ZRSR2: variants seen among roughly 807,000 people sequenced by gnomAD.
ZRSR2 encodes U2 small nuclear ribonucleoprotein auxiliary factor 35 kDa subunit-related protein 2.
A neutral mutation model predicts 39.4 loss-of-function variants in ZRSR2; 3 were observed. The ratio of observed to expected loss-of-function variants is 0.08; its 90% CI spans 0.03 to 0.20. The LOEUF is 0.20. ZRSR2 is among the 10% of genes least tolerant of loss of function. The probability of loss-of-function intolerance (pLI) is 1.00; values close to 1 mark genes in which losing one functional copy is unlikely to be tolerated. For synonymous variants in ZRSR2, 137 were observed against 136.0 expected (o/e 1.01, Z -0.05); for missense variants, 256 against 391.5 (o/e 0.65, Z 2.92).
Position 15,795,877 on chromosome X carries a change from C to G in ZRSR2, c.122-3995C>G, listed in dbSNP as rs765027066. Among the ~76,000 whole-genome samples the G allele has an allele frequency of 9.8e-3, 1,096 of 111,954 alleles. 16 individuals carry two copies. Among genetic ancestry groups the G allele is most frequent in the African/African-American group, 0.034 (1,056 of 30,818 alleles). ...GTGGCTCACGCCTGGAGTCCTAGCACTTTGGGAGGCCAAGGCGGGTGGATC... is the reference window on the plus strand; with the variant it reads ...GTGGCTCACGCCTGGAGTCCTAGCAGTTTGGGAGGCCAAGGCGGGTGGATC... On this transcript the variant is annotated intron_variant, in intron 2 of 10. Coordinates refer to ENST00000307771, the MANE Select transcript of ZRSR2 (RefSeq NM_005089.4).
At chrX:15,794,711 C>T (rs1033283101) in intron 2 of ZRSR2, among the ~76,000 whole-genome samples, 2 of 111,655 alleles carry the variant, frequency 1.8e-5, no homozygotes, top group Non-Finnish European at 3.8e-5. Flanking sequence ...GGGTAGACGG[C>T]ACTTGGTGTA....
chrX:15,810,642 AC>A (rs1346972904), intron 7 of ZRSR2, among the ~76,000 whole-genome samples: 4 of 109,521 alleles, frequency 3.7e-5, no homozygotes, highest in African/African-American at 1.3e-4. Flanking sequence ...TTTTTTAAGA[AC>A]AGTGGTTCCC....
intron 2 of ZRSR2, among the ~76,000 whole-genome samples, chrX:15,797,457 G>T (rs189111056): frequency 9.1e-6 from 1 of 110,359 alleles, no homozygotes; most frequent in South Asian, 3.8e-4. Flanking sequence ...TGATCCGCCC[G>T]CCTTGGCCTC....
At chrX:15,818,686 T>C (rs1315975739) in intron 9 of ZRSR2, 44 bp downstream of exon 9, 1 of 1,061,561 alleles carries the variant, frequency 9.4e-7, no homozygotes, top group South Asian at 2.0e-5. Context: ...TGTCACAGTT[T>C]GTTGTTCTGT....
chrX:15,822,682 C>A lies in ZRSR2; in HGVS notation c.938-49C>A, dbSNP rs764284046. The A allele has an allele frequency of 8.3e-6, 10 of 1,209,319 alleles. No individual in the cohort carries two copies. In the East Asian group the frequency reaches 3.0e-4, roughly 36 times the overall value. ...CCTTCGGAAAAGGATAAAGTAGCAT[C>A]TTCAGAATATGCAGTGATAAGTGCT... On this transcript the variant is annotated intron_variant, in intron 10 of 10. Transcript: ENST00000307771.
intron 3 of ZRSR2, among the ~76,000 whole-genome samples, chrX:15,802,728 G>A (rs1398704973): frequency 9.0e-6 from 1 of 111,154 alleles, no homozygotes; most frequent in African/African-American, 3.3e-5. Flanking sequence ...CAAAGTGCTG[G>A]ATTACAGGTG....
At chrX:15,805,824 A>C (rs908630292) in intron 5 of ZRSR2, among the ~76,000 whole-genome samples, 3 of 86,594 alleles carry the variant, frequency 3.5e-5, no homozygotes, top group Non-Finnish European at 6.5e-5. Context: ...CCAGCTACTC[A>C]GGAGTCTGAG....
At position 15,815,465 on chromosome X, in the gene ZRSR2, C is replaced by T. The variant is rs938125851; in HGVS notation, c.558-212C>T. ...GCACTACAGGCGCACGCCAACACGCCCGGCTAATTTTTTGTATTTTTAGTA... is the reference window on the plus strand; with the variant it reads ...GCACTACAGGCGCACGCCAACACGCTCGGCTAATTTTTTGTATTTTTAGTA... On this transcript the variant is annotated intron_variant, in intron 7 of 10. Transcript: ENST00000307771. Among the ~76,000 whole-genome samples, 5 of 111,702 alleles carry T rather than the reference C, an allele frequency of 4.5e-5. 1 individual carries two copies. Among genetic ancestry groups the T allele is most frequent in the African/African-American group, 1.6e-4 (5 of 30,744 alleles).
chrX:15,799,453 CTT>C (rs781082388), intron 2 of ZRSR2, among the ~76,000 whole-genome samples: 4 of 93,505 alleles, frequency 4.3e-5, no homozygotes, highest in Non-Finnish European at 4.2e-5. Context: ...CCCCCACCAC[CTT>C]TTTTTTTTTT....
chrX:15,796,869 C>G (rs1399349592), intron 2 of ZRSR2, among the ~76,000 whole-genome samples: 5 of 90,288 alleles, frequency 5.5e-5, no homozygotes, highest in Non-Finnish European at 1.0e-4. Context: ...TTTCGGCTCA[C>G]TGCAACCTCT....
At chrX:15,819,721 A>G (rs1383088400) in intron 9 of ZRSR2, among the ~76,000 whole-genome samples, 2 of 112,320 alleles carry the variant, frequency 1.8e-5, no homozygotes, top group Non-Finnish European at 3.8e-5. Flanking sequence ...AGAATAGAGA[A>G]CATAAAAGCA....
At chrX:15,818,679 C>T (rs752405908) in intron 9 of ZRSR2, 37 bp downstream of exon 9, 1 of 1,107,485 alleles carries the variant, frequency 9.0e-7, no homozygotes, top group Non-Finnish European at 1.2e-6. Flanking sequence ...CCTGATTTGT[C>T]ACAGTTTGTT....
chrX:15,797,910 G>A (rs1445979561), intron 2 of ZRSR2, among the ~76,000 whole-genome samples: 6 of 111,925 alleles, frequency 5.4e-5, no homozygotes, highest in Non-Finnish European at 1.1e-4. Flanking sequence ...ACAGGTGTTT[G>A]TGAGTGTCAG....
intron 10 of ZRSR2, 79 bp downstream of exon 10, chrX:15,820,395 A>G: frequency 1.0e-6 from 1 of 955,762 alleles, no homozygotes. Context: ...GAAACCCAGT[A>G]TTTTCAAGTG....
intron 2 of ZRSR2, among the ~76,000 whole-genome samples, chrX:15,791,653 CTTTTTTTTT>C (rs144343422): frequency 1.6e-5 from 1 of 60,874 alleles, no homozygotes; most frequent in African/African-American, 7.1e-5. Flanking sequence ...CTTTTCTTTT[CTTTTTTTTT>C]TTTTTTTTTT....
chrX:15,811,837 C>G (rs1932888514), intron 7 of ZRSR2, among the ~76,000 whole-genome samples: 1 of 112,572 alleles, frequency 8.9e-6, no homozygotes, highest in South Asian at 3.6e-4. Flanking sequence ...CCGTCATGCT[C>G]TCAGATCCCA....
At chrX:15,813,574 G>C (rs775023397) in intron 7 of ZRSR2, among the ~76,000 whole-genome samples, 3 of 112,207 alleles carry the variant, frequency 2.7e-5, no homozygotes, top group Non-Finnish European at 5.6e-5. Flanking sequence ...CCCCAGACAG[G>C]GACTTTGGTT....
intron 7 of ZRSR2, among the ~76,000 whole-genome samples, chrX:15,814,076 CAAAAA>C (rs11426665): frequency 7.1e-5 from 5 of 70,580 alleles, no homozygotes; most frequent in African/African-American, 2.7e-4. Flanking sequence ...CTCCCCTCGC[CAAAAA>C]AAAAAAAAAA....
chrX:15,805,010 G>A (rs1269015590), intron 5 of ZRSR2, among the ~76,000 whole-genome samples: 1 of 111,861 alleles, frequency 8.9e-6, no homozygotes, highest in African/African-American at 3.3e-5. Flanking sequence ...AGGTATCACA[G>A]CTCATCTTCC....
Sources: allele counts gnomAD v4.1 joint callset (sites outside exome capture counted in the v4.1 genomes callset), GRCh38; gene constraint gnomAD v4.1.1; transcripts MANE v1.5; gene names NCBI Gene and HGNC (gene_info 2026-07-23, HGNC 2026-07-21).